TRABD2B: variants seen among roughly 807,000 people sequenced by gnomAD.
TRABD2B encodes the protein TraB domain containing 2B.
A neutral mutation model predicts 40.1 loss-of-function variants in TRABD2B; 14 were observed. The observed-to-expected ratio is 0.35, with a 90% CI of 0.23 to 0.55. TRABD2B has a LOEUF of 0.55. Among genes scored for constraint, TRABD2B ranks in the 20% least tolerant of loss-of-function variants. TRABD2B has a pLI of 0.90. For missense variants in TRABD2B, 541 were observed against 648.6 expected (o/e 0.83, Z 1.80); for synonymous variants, 263 against 277.0 (o/e 0.95, Z 0.50).
Position 47,775,289 on chromosome 1 carries a change from C to T in TRABD2B, c.1230G>A (p.Leu410=). 1 of 1,256,580 alleles carries T rather than the reference C, an allele frequency of 8.0e-7. No homozygotes were observed. The highest frequency in any genetic ancestry group is 1.0e-6 in the Non-Finnish European group (1 of 997,848). The allele number at this position is 1,256,580 out of a possible 1,614,324, so 77.8% of individuals were successfully genotyped here. A position where few individuals can be genotyped will look rare whatever the true frequency, so the allele number is the denominator to read the frequency against. ...DEDPALSPHL[L]LPDSLSQLEE... is the part of the protein sequence containing the mutation. The stretch of plus-strand genomic sequence containing the variant: ...CCAGCTGGCTGAGGCTGTCGGGGAG[C>T]AGGAGGTGTGGGGACAGGGCTGGAT... The change falls in exon 6 of 7, where the codon CTG becomes CTA. Residue 410 remains leucine, a synonymous_variant. Transcript: ENST00000606738.
intron 2 of TRABD2B, among the ~76,000 whole-genome samples, chr1:47,826,915 G>A (rs978714949): frequency 3.3e-5 from 5 of 152,146 alleles, no homozygotes; most frequent in African/African-American, 9.7e-5. Flanking sequence ...GGAAGTCATC[G>A]GGAAGTACTG....
intron 6 of TRABD2B, 119 bp from the exon 7 acceptor site, chr1:47,766,225 C>A (rs576816671): frequency 9.3e-5 from 59 of 632,840 alleles, no homozygotes; most frequent in Non-Finnish European, 1.4e-4. Flanking sequence ...GAGAAGGGAA[C>A]AAGGAGCTTG....
chr1:47,804,318 C>T (rs1190602293), intron 2 of TRABD2B, among the ~76,000 whole-genome samples: 1 of 152,222 alleles, frequency 6.6e-6, no homozygotes. Flanking sequence ...AGGCAGTGGC[C>T]CTGTTGCTGT....
chr1:47,997,290 C>T lies in TRABD2B; in HGVS notation c.-501G>A. ...TGGGGGGCGGCTCTGGGGCGACCGG[C>T]TGCCCCCGAGCCCGGCTCAGAGGGG... On this transcript the variant is annotated 5_prime_UTR_variant, in exon 1 of 7. Transcript: ENST00000606738. The T allele has an allele frequency of 3.3e-6, 3 of 913,190 alleles. No individual in the cohort carries two copies. Among genetic ancestry groups the T allele is most frequent in the Non-Finnish European group, 3.9e-6 (3 of 766,636 alleles). The allele number at this position is 913,190 out of a possible 1,614,324, so 56.6% of individuals were successfully genotyped here. A position where few individuals can be genotyped will look rare whatever the true frequency, so the allele number is the denominator to read the frequency against.
At chr1:47,823,711 T>G (rs532546437) in intron 2 of TRABD2B, among the ~76,000 whole-genome samples, 13 of 152,302 alleles carry the variant, frequency 8.5e-5, no homozygotes, top group African/African-American at 3.1e-4. Flanking sequence ...AGAGACTTTG[T>G]TACAGAGCAG....
chr1:47,930,170 G>A (rs920529323), intron 2 of TRABD2B, among the ~76,000 whole-genome samples: 4 of 152,204 alleles, frequency 2.6e-5, no homozygotes, highest in South Asian at 2.1e-4. Flanking sequence ...GCCATGGTGC[G>A]CCAAGGTTTA....
intron 6 of TRABD2B, among the ~76,000 whole-genome samples, chr1:47,771,230 T>G (rs1644374045): frequency 6.7e-6 from 1 of 149,746 alleles, no homozygotes; most frequent in Non-Finnish European, 1.5e-5. Context: ...ACTGCGTCTC[T>G]TCCCCTCTTT....
chr1:47,783,444 C>T (rs987403011), intron 4 of TRABD2B, among the ~76,000 whole-genome samples: 2 of 152,084 alleles, frequency 1.3e-5, no homozygotes, highest in Non-Finnish European at 2.9e-5. Context: ...AGGAGGGGCT[C>T]ATGTATCCAG....
At chr1:47,979,853 C>A (rs1645815812) in intron 2 of TRABD2B, among the ~76,000 whole-genome samples, 1 of 152,160 alleles carries the variant, frequency 6.6e-6, no homozygotes, top group Non-Finnish European at 1.5e-5. Context: ...GAAACCCAGT[C>A]CTGAGTTCCT....
chr1:47,876,701 G>A (rs1385581483), intron 2 of TRABD2B, among the ~76,000 whole-genome samples: 1 of 152,256 alleles, frequency 6.6e-6, no homozygotes, highest in East Asian at 1.9e-4. Flanking sequence ...CTCCAGCAGT[G>A]CTGGGAGGGG....
chr1:47,839,746 T>C (rs1478472737), intron 2 of TRABD2B, among the ~76,000 whole-genome samples: 2 of 152,162 alleles, frequency 1.3e-5, no homozygotes, highest in Non-Finnish European at 2.9e-5. Context: ...GTTACTATAA[T>C]GGCCAGCAAT....
At chr1:47,950,236 G>T (rs1645322398) in intron 2 of TRABD2B, among the ~76,000 whole-genome samples, 1 of 152,018 alleles carries the variant, frequency 6.6e-6, no homozygotes, top group Non-Finnish European at 1.5e-5. Context: ...AGTGAGCCGA[G>T]ATCGGGCCAC....
At chr1:47,801,846 TC>T (rs1461270539) in intron 2 of TRABD2B, among the ~76,000 whole-genome samples, 1 of 152,158 alleles carries the variant, frequency 6.6e-6, no homozygotes, top group Non-Finnish European at 1.5e-5. Context: ...CCCACACAGG[TC>T]CCCATTCCTG....
chr1:47,961,913 C>T lies in TRABD2B; in HGVS notation c.666+32121G>A, dbSNP rs1363995519. Among the ~76,000 whole-genome samples the T allele has an allele frequency of 7.9e-5, 12 of 152,112 alleles. No individual in the cohort carries two copies. In the East Asian group the frequency reaches 1.2e-3, roughly 15 times the overall value. On this transcript the variant is annotated intron_variant, in intron 2 of 6. Transcript: ENST00000606738. Reference sequence around the variant, plus strand: ...ATGCTGCTATAAAGACACATGCACACGTATGTTTACTGCAGCACTATTCAC... The same window carrying T: ...ATGCTGCTATAAAGACACATGCACATGTATGTTTACTGCAGCACTATTCAC...
intron 2 of TRABD2B, among the ~76,000 whole-genome samples, chr1:47,950,272 A>G (rs1645323188): frequency 6.6e-6 from 1 of 152,104 alleles, no homozygotes; most frequent in African/African-American, 2.4e-5. Context: ...GCGATAGAGC[A>G]AGACTCCGTC....
intron 4 of TRABD2B, among the ~76,000 whole-genome samples, chr1:47,787,546 C>T (rs1644612774): frequency 6.6e-6 from 1 of 152,188 alleles, no homozygotes; most frequent in African/African-American, 2.4e-5. Context: ...ACTAAACTCC[C>T]CCTCCTCTAG....
intron 2 of TRABD2B, among the ~76,000 whole-genome samples, chr1:47,831,474 T>C (rs1645248875): frequency 6.6e-6 from 1 of 152,256 alleles, no homozygotes; most frequent in East Asian, 1.9e-4. Context: ...ACCTCCAGGA[T>C]CTGCAGACAT....
intron 2 of TRABD2B, among the ~76,000 whole-genome samples, chr1:47,919,112 T>A (rs1644867589): frequency 6.6e-6 from 1 of 152,058 alleles, no homozygotes. Context: ...TTATTATAGG[T>A]CTCCCCAGTT....
At chr1:47,953,256 C>T (rs547688761) in intron 2 of TRABD2B, among the ~76,000 whole-genome samples, 4 of 152,302 alleles carry the variant, frequency 2.6e-5, no homozygotes, top group African/African-American at 7.2e-5. Context: ...GAGAAAGAAC[C>T]AGCTTTTTGA....
Sources: allele counts gnomAD v4.1 joint callset (sites outside exome capture counted in the v4.1 genomes callset), GRCh38; gene constraint gnomAD v4.1.1; transcripts MANE v1.5; gene names NCBI Gene and HGNC (gene_info 2026-07-23, HGNC 2026-07-21).